Variants in EIF2AK4 observed in about 807,000 individuals in gnomAD.
The protein encoded by EIF2AK4 is eukaryotic translation initiation factor 2 alpha kinase 4, also known as eIF-2-alpha kinase GCN2.
EIF2AK4 carries 139 observed loss-of-function variants against 211.1 expected under a neutral mutation model. The ratio of observed to expected loss-of-function variants is 0.66; its 90% CI spans 0.57 to 0.76. The LOEUF is 0.76. Ranked by LOEUF, EIF2AK4 falls within the 30% of genes least tolerant of loss-of-function variation. The pLI is 0.00. For synonymous variants in EIF2AK4, 710 were observed against 751.3 expected (o/e 0.94, Z 0.90); for missense variants, 1,664 against 2,043.8 (o/e 0.81, Z 3.58).
At chr15:40,005,304 T>A (rs576400435) in intron 23 of EIF2AK4, among the ~76,000 whole-genome samples, 1 of 152,246 alleles carries the variant, frequency 6.6e-6, no homozygotes, top group African/African-American at 2.4e-5. Context: ...GTTAGCTTTT[T>A]TTAAAAAGTA....
intron 33 of EIF2AK4, 180 bp from the exon 34 acceptor site, chr15:40,029,226 G>T (rs1478733328): frequency 1.2e-5 from 9 of 780,292 alleles, no homozygotes; most frequent in Non-Finnish European, 1.4e-5. Flanking sequence ...ATTTTTACTT[G>T]CTCTTGACCA....
rs770282867 is a variant in EIF2AK4 at position 40,017,432 on chromosome 15, AATTAT to A, written c.4065+196_4065+200del. On this transcript the variant is annotated intron_variant, in intron 29 of 38. Coordinates refer to ENST00000263791, the MANE Select transcript of EIF2AK4 (RefSeq NM_001013703.4). Reference sequence around the variant, plus strand: ...ATTTGTAGTTGTTTAAGCTTAAAACAATTATATTATTTTGCAAGATAGTTGCAAAG... The same window carrying A: ...ATTTGTAGTTGTTTAAGCTTAAAACAATTATTTTGCAAGATAGTTGCAAAG... 7.0e-4 allele frequency among the ~76,000 whole-genome samples: 103 copies of A among 147,212 alleles called. 1 individual carries two copies. Among genetic ancestry groups the A allele is most frequent in the African/African-American group, 2.4e-3 (97 of 39,768 alleles).
At chr15:40,019,715 A>T (rs981712012) in intron 30 of EIF2AK4, among the ~76,000 whole-genome samples, 1 of 151,926 alleles carries the variant, frequency 6.6e-6, no homozygotes, top group African/African-American at 2.4e-5. Flanking sequence ...TCCATGAAAA[A>T]TTTTCTTCCA....
intron 13 of EIF2AK4, among the ~76,000 whole-genome samples, chr15:39,985,531 G>C (rs1417972219): frequency 6.6e-6 from 1 of 152,116 alleles, no homozygotes; most frequent in Non-Finnish European, 1.5e-5. Context: ...ACCCTCCCAA[G>C]ACTAAACCAG....
chr15:39,962,758 G>C (rs542634612), intron 7 of EIF2AK4, among the ~76,000 whole-genome samples: 1 of 152,150 alleles, frequency 6.6e-6, no homozygotes, highest in South Asian at 2.1e-4. Context: ...GCTGTTTGGC[G>C]TGAAGCTGGT....
chr15:39,986,886 C>A (rs1045970226), intron 14 of EIF2AK4, among the ~76,000 whole-genome samples: 1 of 148,328 alleles, frequency 6.7e-6, no homozygotes, highest in African/African-American at 2.5e-5. Context: ...ACAACAAAAA[C>A]AAAGAAGTCT....
Position 40,035,467 on chromosome 15 carries a change from TA to T in EIF2AK4, c.*394del, listed in dbSNP as rs1177267380. ...GGGACAACAGAGCAAGACCCTGTCTTAAAAAAAAAAAGAAAAAAAAAATTTT... is the reference window on the plus strand; with the variant it reads ...GGGACAACAGAGCAAGACCCTGTCTTAAAAAAAAAAGAAAAAAAAAATTTT... On this transcript the variant is annotated 3_prime_UTR_variant, in exon 39 of 39. Coordinates refer to ENST00000263791, the MANE Select transcript of EIF2AK4 (RefSeq NM_001013703.4). 196 of 147,588 alleles carry T rather than the reference TA, an allele frequency of 1.3e-3. No homozygotes were observed. Among genetic ancestry groups the T allele is most frequent in the Non-Finnish European group, 1.8e-3 (122 of 68,190 alleles). 9.1% of individuals were successfully genotyped at this position (147,588 alleles called of 1,614,324 possible).
At position 39,967,429 on chromosome 15, in the gene EIF2AK4, A is replaced by G; in HGVS notation, c.1103A>G (p.Glu368Gly). ...VVRYLAMNLK[E>G]QDDSIVVDIL... ...CGCTACCTTGCAATGAATCTCAAAG[A>G]GCAAGACGACTCCATCGTGGTGGAC... Residue 368 changes from glutamate to glycine, a missense_variant, in exon 9 of 39, where the codon GAG becomes GGG. By Grantham distance (98) the Glu-to-Gly change is moderately conservative. This residue lies in a region of EIF2AK4 where 641 missense variants were observed against 729.6 expected (regional missense o/e 0.88). Coordinates refer to ENST00000263791, the MANE Select transcript of EIF2AK4 (RefSeq NM_001013703.4). 6.2e-7 allele frequency: 1 copy of G among 1,613,990 alleles called. No individual in the cohort carries two copies.
intron 23 of EIF2AK4, among the ~76,000 whole-genome samples, 184 bp from the exon 24 acceptor site, chr15:40,006,832 C>G (rs1279224919): frequency 1.3e-5 from 2 of 152,098 alleles, no homozygotes; most frequent in African/African-American, 4.8e-5. Flanking sequence ...GACCAAAACA[C>G]TGAAGAACAT....
At chr15:40,020,780 A>G (rs1334887161) in intron 30 of EIF2AK4, 119 bp from the exon 31 acceptor site, 1 of 804,170 alleles carries the variant, frequency 1.2e-6, no homozygotes, top group African/African-American at 1.8e-5. Flanking sequence ...CTGTGTTTCT[A>G]TGCAGGATTT....
At chr15:40,009,850 T>G in intron 26 of EIF2AK4, 120 bp downstream of exon 26, 1 of 719,896 alleles carries the variant, frequency 1.4e-6, no homozygotes. Context: ...GAGCCTTATC[T>G]CCTTCCTTCA....
chr15:39,982,161 T>G (rs1232491920), intron 13 of EIF2AK4, among the ~76,000 whole-genome samples: 2 of 152,180 alleles, frequency 1.3e-5, no homozygotes, highest in Non-Finnish European at 2.9e-5. Context: ...CCTGACCTCG[T>G]GATCCGCCCG....
chr15:40,008,774 G>C (rs2035196432), intron 25 of EIF2AK4, among the ~76,000 whole-genome samples: 1 of 152,062 alleles, frequency 6.6e-6, no homozygotes, highest in African/African-American at 2.4e-5. Flanking sequence ...CACAGGTCTT[G>C]ATCTGAGACA....
intron 6 of EIF2AK4, 109 bp downstream of exon 6, chr15:39,955,877 CT>C (rs1595546752): frequency 8.1e-7 from 1 of 1,240,636 alleles, no homozygotes. Context: ...GTCTTAATAA[CT>C]TTTTTCAAAC....
At chr15:40,018,319 TA>T (rs1000396801) in intron 29 of EIF2AK4, among the ~76,000 whole-genome samples, 3 of 152,240 alleles carry the variant, frequency 2.0e-5, no homozygotes, top group African/African-American at 7.2e-5. Flanking sequence ...AGTTTCAAAT[TA>T]AATCATGATG....
intron 4 of EIF2AK4, 86 bp downstream of exon 4, chr15:39,949,354 ACTTAT>A: frequency 6.5e-7 from 1 of 1,531,530 alleles, no homozygotes; most frequent in Non-Finnish European, 8.8e-7. Flanking sequence ...CTGCCTACAA[ACTTAT>A]CTTTAAGTTT....
chr15:40,005,928 G>A (rs1444496539), intron 23 of EIF2AK4, among the ~76,000 whole-genome samples: 2 of 151,366 alleles, frequency 1.3e-5, no homozygotes, highest in African/African-American at 2.4e-5. Flanking sequence ...TCCTTGGGTG[G>A]TTTCTGTATC....
chr15:39,978,030 G>A, intron 12 of EIF2AK4, 48 bp from the exon 13 acceptor site: 1 of 1,359,760 alleles, frequency 7.4e-7, no homozygotes, highest in Middle Eastern at 1.8e-4. Flanking sequence ...TGTTTATAAT[G>A]ATAATAGGGA....
At chr15:40,032,119 A>C (rs371393611) in intron 35 of EIF2AK4, 50 bp from the exon 36 acceptor site, 1 of 1,439,510 alleles carries the variant, frequency 6.9e-7, no homozygotes, top group Non-Finnish European at 9.8e-7. Context: ...AGATGGCAAG[A>C]AAGATGGCTT....
Sources: allele counts gnomAD v4.1 joint callset (sites outside exome capture counted in the v4.1 genomes callset), GRCh38; gene constraint gnomAD v4.1.1; regional missense constraint gnomAD v4.1.1; transcripts MANE v1.5; gene names NCBI Gene and HGNC (gene_info 2026-07-23, HGNC 2026-07-21).